Variants in BCAR3 observed in about 807,000 individuals in gnomAD.
BCAR3 encodes BCAR3 adaptor protein, NSP family member, also known as breast cancer anti-estrogen resistance protein 3.
A neutral mutation model predicts 80.1 loss-of-function variants in BCAR3; 37 were observed. That is an observed-to-expected ratio of 0.46 (90% CI 0.36 to 0.61). The LOEUF is 0.61. Among genes scored for constraint, BCAR3 ranks in the 20% least tolerant of loss-of-function variants. BCAR3 has a pLI of 0.00. For synonymous variants in BCAR3, 389 were observed against 418.9 expected (o/e 0.93, Z 0.87); for missense variants, 978 against 1,068.2 (o/e 0.92, Z 1.18).
intron 2 of BCAR3, among the ~76,000 whole-genome samples, chr1:93,834,361 T>C (rs1413736695): frequency 6.6e-6 from 1 of 152,082 alleles, no homozygotes. Context: ...AATACCTCCC[T>C]CCACTACCCA....
intron 2 of BCAR3, among the ~76,000 whole-genome samples, chr1:93,828,597 C>T (rs901581110): frequency 5.9e-5 from 9 of 152,172 alleles, no homozygotes; most frequent in African/African-American, 1.9e-4. Context: ...TGTGCAATCA[C>T]ATTTCTACAC....
At chr1:93,801,780 G>A (rs1030714257) in intron 2 of BCAR3, among the ~76,000 whole-genome samples, 11 of 152,108 alleles carry the variant, frequency 7.2e-5, no homozygotes, top group Non-Finnish European at 1.6e-4. Flanking sequence ...AACATAGTAA[G>A]GCATATATAG....
intron 2 of BCAR3, among the ~76,000 whole-genome samples, chr1:93,669,358 C>T (rs1445930060): frequency 6.6e-6 from 1 of 152,142 alleles, no homozygotes; most frequent in African/African-American, 2.4e-5. Context: ...GATTCTGGAC[C>T]TTACATCTTT....
chr1:93,604,910 C>T (rs1046609381), intron 3 of BCAR3, among the ~76,000 whole-genome samples: 4 of 152,162 alleles, frequency 2.6e-5, no homozygotes, highest in African/African-American at 9.7e-5. Flanking sequence ...TCTCTCCATC[C>T]CTTCTTGACC....
intron 2 of BCAR3, among the ~76,000 whole-genome samples, chr1:93,797,121 T>C (rs904411807): frequency 2.0e-5 from 3 of 152,212 alleles, no homozygotes; most frequent in African/African-American, 7.2e-5. Context: ...CCACTTCTGC[T>C]TCCATTTGGA....
chr1:93,563,883 G>A (rs1320903891), intron 11 of BCAR3, among the ~76,000 whole-genome samples: 3 of 151,978 alleles, frequency 2.0e-5, no homozygotes, highest in Admixed American at 6.5e-5. Flanking sequence ...CAGTAGAGAC[G>A]GGGTTTTGCC....
chr1:93,578,281 G>A (rs1286400493), intron 7 of BCAR3, among the ~76,000 whole-genome samples: 1 of 152,150 alleles, frequency 6.6e-6, no homozygotes, highest in African/African-American at 2.4e-5. Flanking sequence ...AGATTGCCTG[G>A]CTCCACTCAC....
Position 93,612,426 on chromosome 1 carries a change from T to C in BCAR3, c.358-20033A>G, listed in dbSNP as rs577438035. On this transcript the variant is annotated intron_variant, in intron 3 of 11. Transcript: ENST00000260502. ...CATATATTAAGTGGCCTTTTCTATA[T>C]ATTATGTAGCCTTGGGGCCGTAACT... Among the ~76,000 whole-genome samples the C allele has an allele frequency of 7.2e-5, 11 of 152,116 alleles. No individual in the cohort carries two copies. The East Asian group carries it at 1.9e-3, about 27-fold the overall frequency.
chr1:93,674,366 C>T (rs1338137841), intron 2 of BCAR3, among the ~76,000 whole-genome samples: 1 of 152,222 alleles, frequency 6.6e-6, no homozygotes, highest in Non-Finnish European at 1.5e-5. Flanking sequence ...AGTGATTCTC[C>T]TGCCTTAGCC....
intron 9 of BCAR3, chr1:93,568,090 G>A (rs1330815378): frequency 9.8e-5 from 38 of 387,322 alleles, no homozygotes; most frequent in Non-Finnish European, 1.5e-4. Flanking sequence ...GGAGGTTGAG[G>A]CGGGAGAATT....
intron 2 of BCAR3, among the ~76,000 whole-genome samples, chr1:93,719,331 C>CTTGTTTTT (rs1650301474): frequency 1.4e-5 from 1 of 73,424 alleles, no homozygotes; most frequent in African/African-American, 5.5e-5. Flanking sequence ...TTTAAACTTT[C>CTTGTTTTT]TTGTTTTTTT....
upstream of BCAR3, among the ~76,000 whole-genome samples, chr1:93,683,830 T>G (rs1437951219): frequency 6.6e-6 from 1 of 152,226 alleles, no homozygotes; most frequent in African/African-American, 2.4e-5. Flanking sequence ...CTGATAATAT[T>G]CTATTTATTA....
At position 93,718,717 on chromosome 1, in the gene BCAR3, C is replaced by T. The variant is rs552332002; in HGVS notation, c.-62-12575G>A. Among the ~76,000 whole-genome samples, 76 of 54,624 alleles carry T rather than the reference C, an allele frequency of 1.4e-3. 1 individual carries two copies. Among genetic ancestry groups the T allele is most frequent in the African/African-American group, 4.9e-3 (70 of 14,224 alleles). 35.8% of individuals were successfully genotyped at this position (54,624 alleles called of 152,430 possible). On this transcript the variant is annotated intron_variant, in intron 2 of 13. Coordinates refer to the BCAR3 transcript ENST00000370244. Reference sequence around the variant, plus strand: ...TTTTTTTTTTTTTTTTTTTTTGAGACGGGGTTTGGCTCTGTTACCCCATGC... The same window carrying T: ...TTTTTTTTTTTTTTTTTTTTTGAGATGGGGTTTGGCTCTGTTACCCCATGC...
intron 3 of BCAR3, among the ~76,000 whole-genome samples, chr1:93,639,621 T>A (rs1675917392): frequency 6.6e-6 from 1 of 151,924 alleles, no homozygotes. Flanking sequence ...GGATTACAGA[T>A]GCCCGCCACC....
At chr1:93,768,295 C>T (rs535077378) in intron 2 of BCAR3, among the ~76,000 whole-genome samples, 35 of 148,220 alleles carry the variant, frequency 2.4e-4, no homozygotes, top group Middle Eastern at 3.5e-3. Flanking sequence ...GTGTGTACAA[C>T]AGCCCAACAA....
chr1:93,703,090 A>C (rs1571059928), intron 3 of BCAR3, among the ~76,000 whole-genome samples: 2 of 152,216 alleles, frequency 1.3e-5, no homozygotes, highest in Non-Finnish European at 2.9e-5. Flanking sequence ...GCTGCTCAGA[A>C]GTTGCCTGGA....
chr1:93,643,569 A>G (rs1182603455), intron 2 of BCAR3, among the ~76,000 whole-genome samples: 1 of 148,198 alleles, frequency 6.7e-6, no homozygotes, highest in African/African-American at 2.5e-5. Context: ...AAAAAAAAAA[A>G]AAAAAGAAAT....
chr1:93,816,864 C>T (rs1435571694), intron 2 of BCAR3, among the ~76,000 whole-genome samples: 2 of 151,968 alleles, frequency 1.3e-5, no homozygotes, highest in African/African-American at 2.4e-5. Context: ...ACCCCCCAAA[C>T]TAAAACTATC....
intron 3 of BCAR3, chr1:93,600,543 G>T (rs1484325453): frequency 6.6e-6 from 1 of 152,202 alleles, no homozygotes; most frequent in Non-Finnish European, 1.5e-5. Context: ...TATTGGTTAT[G>T]CTTCCAAGGG....
Sources: allele counts gnomAD v4.1 joint callset (sites outside exome capture counted in the v4.1 genomes callset), GRCh38; gene constraint gnomAD v4.1.1; transcripts MANE v1.5; gene names NCBI Gene and HGNC (gene_info 2026-07-23, HGNC 2026-07-21).